TYW3: variants seen among roughly 807,000 people sequenced by gnomAD.
TYW3 encodes tRNA wybutosine-synthesizing protein 3 homolog.
Under a neutral mutation model 23.1 loss-of-function variants are expected in TYW3, and 26 were observed. That is an observed-to-expected ratio of 1.13 (90% CI 0.83 to 1.56). The LOEUF (loss-of-function observed/expected upper bound fraction) is 1.56, where lower values mean the gene tolerates loss of function less well. TYW3 is among the 40% of genes most tolerant of loss of function. TYW3 has a pLI of 0.00. For synonymous variants in TYW3, 102 were observed against 105.7 expected, an observed-to-expected ratio of 0.97 and a Z score of 0.21; for missense variants, 316 against 311.9, an observed-to-expected ratio of 1.01 and a Z score of -0.10.
chr1:74,763,831 G>GT, intron 5 of TYW3, 63 bp from the exon 6 acceptor site: 1 of 1,279,768 alleles, frequency 7.8e-7, no homozygotes, highest in Non-Finnish European at 1.1e-6. Context: ...TAAGCTCTTG[G>GT]TGTATTTCAG....
chr1:74,735,548 A>C (rs1191622893), intron 1 of TYW3, among the ~76,000 whole-genome samples: 1 of 152,232 alleles, frequency 6.6e-6, no homozygotes, highest in Non-Finnish European at 1.5e-5. Context: ...ACTTACAAAC[A>C]GGCAACACAA....
intron 5 of TYW3, 67 bp from the exon 6 acceptor site, chr1:74,763,827 C>G (rs950244907): frequency 1.6e-6 from 2 of 1,239,534 alleles, no homozygotes; most frequent in East Asian, 2.4e-5. Context: ...CTTATAAGCT[C>G]TTGGTGTATT....
chr1:74,733,292 C>CAAAGCGG lies in TYW3; in HGVS notation c.50_56dup (p.Asp19GlufsTer11), dbSNP rs774791678. On this transcript the variant is annotated frameshift_variant, in exon 1 of 6. Coordinates refer to ENST00000370867, the MANE Select transcript of TYW3 (RefSeq NM_138467.3). LOFTEE classifies it high-confidence loss of function. ...GGAAATGGAAGGCGCAATGTTTGAG[C>CAAAGCGG]AAAGCGGACCTCAGCCGGAAGGGCA... is the stretch of plus-strand genomic sequence containing the variant. 6.2e-7 allele frequency: 1 copy of CAAAGCGG among 1,614,092 alleles called. No individual in the cohort carries two copies. The highest frequency in any genetic ancestry group is 8.5e-7 in the Non-Finnish European group (1 of 1,179,984).
intron 2 of TYW3, 59 bp from the exon 3 acceptor site, chr1:74,738,631 A>C (rs1648235490): frequency 8.2e-7 from 1 of 1,220,602 alleles, no homozygotes; most frequent in East Asian, 2.5e-5. Context: ...GTATGGGGTA[A>C]AGGGTCGCCA....
chr1:74,737,941 C>G (rs981696403), intron 2 of TYW3, among the ~76,000 whole-genome samples: 6 of 152,102 alleles, frequency 3.9e-5, no homozygotes, highest in African/African-American at 1.4e-4. Flanking sequence ...TGGCATGTAC[C>G]CCACTTTGTG....
In TYW3 at chr1:74,733,243, C is replaced by T; in HGVS notation, c.-2C>T. 1 of 1,613,876 alleles carries T rather than the reference C, an allele frequency of 6.2e-7. No homozygotes were observed. The highest frequency in any genetic ancestry group is 8.5e-7 in the Non-Finnish European group (1 of 1,179,866). ...CGAGCGCAGACCCTGAGTCCGTCAC[C>T]CATGGATCGCAGCGCGGAGTTCAGG... On this transcript the variant is annotated 5_prime_UTR_variant, in exon 1 of 6. Coordinates refer to ENST00000370867, the MANE Select transcript of TYW3 (RefSeq NM_138467.3).
chr1:74,755,073 A>C (rs1648907804), intron 5 of TYW3, among the ~76,000 whole-genome samples: 1 of 152,232 alleles, frequency 6.6e-6, no homozygotes, highest in Admixed American at 6.5e-5. Flanking sequence ...AGAAAATATT[A>C]CATAAAATGT....
intron 3 of TYW3, among the ~76,000 whole-genome samples, chr1:74,742,008 C>G (rs559143922): frequency 2.2e-4 from 34 of 152,304 alleles, no homozygotes; most frequent in African/African-American, 8.2e-4. Context: ...AAGCCCAAAT[C>G]TAGGAATTAT....
chr1:74,760,902 GA>G (rs1405086204), intron 5 of TYW3, among the ~76,000 whole-genome samples: 1 of 152,178 alleles, frequency 6.6e-6, no homozygotes, highest in Non-Finnish European at 1.5e-5. Context: ...AACTGACGTT[GA>G]AAAACAAGAA....
At position 74,744,091 on chromosome 1, in the gene TYW3, C is replaced by A. The variant is rs575176834; in HGVS notation, c.355-4660C>A. Among the ~76,000 whole-genome samples the A allele has an allele frequency of 5.9e-5, 9 of 152,116 alleles. No homozygotes were observed. In the South Asian group the frequency reaches 1.2e-3, roughly 21 times the overall value. Reference sequence around the variant, plus strand: ...CCTTTGGAGATTTCTTTGCTTGTTTCCTTCTGGGAGGGGGAGATTAGAGGA... The same window carrying A: ...CCTTTGGAGATTTCTTTGCTTGTTTACTTCTGGGAGGGGGAGATTAGAGGA... On this transcript the variant is annotated intron_variant, in intron 3 of 5. Transcript: ENST00000370867.
Position 74,754,609 on chromosome 1 carries a change from C to T in TYW3, c.560+2184C>T, listed in dbSNP as rs575792430. Among the ~76,000 whole-genome samples, 16 of 152,056 alleles carry T rather than the reference C, an allele frequency of 1.1e-4. No individual in the cohort carries two copies. In the South Asian group the frequency reaches 2.9e-3, roughly 28 times the overall value. On this transcript the variant is annotated intron_variant, in intron 5 of 5. Transcript: ENST00000370867. ...TTGGTTTGCCATAGGACCAAAGTTTCACAATTCAGAGAATTTCAAAAACAA... is the reference window on the plus strand; with the variant it reads ...TTGGTTTGCCATAGGACCAAAGTTTTACAATTCAGAGAATTTCAAAAACAA...
Position 74,764,033 on chromosome 1 carries a change from A to G in TYW3, c.700A>G (p.Lys234Glu). The G allele has an allele frequency of 6.2e-7, 1 of 1,613,364 alleles. No individual in the cohort carries two copies. The highest frequency in any genetic ancestry group is 1.3e-5 in the African/African-American group (1 of 74,984). ...PEKTRAQCITKESDEELENDD... is the reference protein window; with the variant it reads ...PEKTRAQCITEESDEELENDD... ...AAAAACACGTGCCCAGTGTATTACT[A>G]AAGAAAGTGATGAAGAACTTGAAAA... Residue 234 changes from lysine (K) to glutamate (E), a missense_variant, in exon 6 of 6, where the codon AAA becomes GAA. Physicochemically the swap from Lys to Glu is moderately conservative, Grantham distance 56 (BLOSUM62 1). Transcript: ENST00000370867.
chr1:74,747,870 CACAT>C (rs202185855), intron 3 of TYW3, among the ~76,000 whole-genome samples: 1,982 of 119,604 alleles, frequency 0.017, 44 homozygotes, highest in African/African-American at 0.048. Flanking sequence ...TGTATACATA[CACAT>C]ACACACACAT....
At chr1:74,735,894 C>T (rs986679250) in intron 1 of TYW3, among the ~76,000 whole-genome samples, 1 of 152,194 alleles carries the variant, frequency 6.6e-6, no homozygotes, top group Non-Finnish European at 1.5e-5. Flanking sequence ...ATCCCCTTTC[C>T]AGTGTCCTTG....
chr1:74,739,369 A>C (rs1166512694), intron 3 of TYW3, among the ~76,000 whole-genome samples: 1 of 152,212 alleles, frequency 6.6e-6, no homozygotes, highest in African/African-American at 2.4e-5. Context: ...TGGCAAAAAA[A>C]CAAAAAACAA....
At chr1:74,742,620 C>A (rs1648402774) in intron 3 of TYW3, among the ~76,000 whole-genome samples, 1 of 152,178 alleles carries the variant, frequency 6.6e-6, no homozygotes, top group Non-Finnish European at 1.5e-5. Flanking sequence ...TCTCCTTCAC[C>A]TTTCCGATGG....
intron 2 of TYW3, among the ~76,000 whole-genome samples, chr1:74,737,317 CT>C (rs1395602561): frequency 6.6e-6 from 1 of 152,204 alleles, no homozygotes; most frequent in Non-Finnish European, 1.5e-5. Context: ...TGCAGATAAT[CT>C]TTGTTGCAGA....
intron 4 of TYW3, among the ~76,000 whole-genome samples, chr1:74,749,196 T>C (rs1057485517): frequency 3.9e-5 from 6 of 152,190 alleles, no homozygotes; most frequent in African/African-American, 9.6e-5. Context: ...CCTCAGTCCC[T>C]CAGGGTTTGA....
At position 74,764,342 on chromosome 1, in the gene TYW3, C is replaced by G. The variant is rs1383542455; in HGVS notation, c.*229C>G. ...CTTCACCTGAAATGCTATAGTTATCCCTACTTTTTTACCAGTTTCTCCCAG... is the reference window on the plus strand; with the variant it reads ...CTTCACCTGAAATGCTATAGTTATCGCTACTTTTTTACCAGTTTCTCCCAG... On this transcript the variant is annotated 3_prime_UTR_variant, in exon 6 of 6. Coordinates refer to ENST00000370867, the MANE Select transcript of TYW3 (RefSeq NM_138467.3). 2.7e-6 allele frequency: 1 copy of G among 376,792 alleles called. No individual in the cohort carries two copies. The highest frequency in any genetic ancestry group is 4.7e-6 in the Non-Finnish European group (1 of 212,138). 23.3% of individuals were successfully genotyped at this position (376,792 alleles called of 1,614,324 possible).
Sources: allele counts gnomAD v4.1 joint callset (sites outside exome capture counted in the v4.1 genomes callset), GRCh38; gene constraint gnomAD v4.1.1; transcripts MANE v1.5; gene names NCBI Gene and HGNC (gene_info 2026-07-23, HGNC 2026-07-21).